The following UBR1 variants were observed in gnomAD, a reference collection of about 807,000 sequenced individuals.
UBR1 encodes the protein ubiquitin protein ligase E3 component n-recognin 1, also known as E3 ubiquitin-protein ligase UBR1.
Under a neutral mutation model 242.1 loss-of-function variants are expected in UBR1, and 102 were observed. The observed-to-expected ratio is 0.42, with a 90% CI of 0.36 to 0.50. The LOEUF (loss-of-function observed/expected upper bound fraction) is 0.50. UBR1 is among the 20% of genes least tolerant of loss of function. The probability of loss-of-function intolerance (pLI) is 0.01; values close to 1 mark genes in which losing one functional copy is unlikely to be tolerated. For missense variants in UBR1, 1,772 were observed against 2,101.8 expected (o/e 0.84, Z 3.07); for synonymous variants, 675 against 684.8 (o/e 0.99, Z 0.22).
intron 31 of UBR1, among the ~76,000 whole-genome samples, chr15:43,003,602 GT>G (rs2032759889): frequency 6.6e-6 from 1 of 152,192 alleles, no homozygotes; most frequent in Admixed American, 6.5e-5. Flanking sequence ...CAACTGATTA[GT>G]TTATGGAGAG....
intron 41 of UBR1, among the ~76,000 whole-genome samples, chr15:42,965,866 T>C (rs2032097419): frequency 6.6e-6 from 1 of 152,250 alleles, no homozygotes; most frequent in Admixed American, 6.5e-5. Flanking sequence ...TTCTAATTTC[T>C]TGTATAGCAT....
chr15:43,060,222 G>C, intron 6 of UBR1, 108 bp from the exon 7 acceptor site: 1 of 1,047,650 alleles, frequency 9.5e-7, no homozygotes, highest in Non-Finnish European at 1.5e-6. Context: ...CTAATCGCGT[G>C]TTGACTAAAA....
chr15:43,105,908 G>A (rs772172046), intron 1 of UBR1, 34 bp downstream of exon 1: 25 of 1,602,102 alleles, frequency 1.6e-5, no homozygotes, highest in East Asian at 2.2e-5. Flanking sequence ...GGGACCGGGG[G>A]GAGGACAAAA....
chr15:43,091,948 C>T (rs1361243733), intron 1 of UBR1: 5 of 388,348 alleles, frequency 1.3e-5, no homozygotes, highest in Non-Finnish European at 2.5e-5. Context: ...TAGCCAGATG[C>T]GGTGGCACAT....
chr15:43,063,306 T>A (rs1251314614), intron 6 of UBR1, among the ~76,000 whole-genome samples: 1 of 152,178 alleles, frequency 6.6e-6, no homozygotes, highest in African/African-American at 2.4e-5. Context: ...TTCCGTTCCA[T>A]ATGAAAACCG....
chr15:43,008,882 T>C (rs949305461), intron 29 of UBR1, among the ~76,000 whole-genome samples: 14 of 152,176 alleles, frequency 9.2e-5, no homozygotes, highest in Non-Finnish European at 1.3e-4. Flanking sequence ...TCCTCTCCAC[T>C]GAGTGCTGGA....
chr15:43,036,072 A>G, intron 19 of UBR1, 106 bp downstream of exon 19: 2 of 1,008,654 alleles, frequency 2.0e-6, no homozygotes, highest in Non-Finnish European at 3.0e-6. Flanking sequence ...TAAAACTTAA[A>G]GTATAATTTT....
At chr15:43,063,461 A>AT (rs1251782710) in intron 6 of UBR1, among the ~76,000 whole-genome samples, 1 of 152,078 alleles carries the variant, frequency 6.6e-6, no homozygotes, top group Non-Finnish European at 1.5e-5. Context: ...ATCTACCAAG[A>AT]TTTTCCCTTA....
intron 10 of UBR1, 112 bp from the exon 11 acceptor site, chr15:43,056,554 A>G (rs2033622150): frequency 1.5e-6 from 1 of 685,856 alleles, no homozygotes; most frequent in Non-Finnish European, 2.5e-6. Flanking sequence ...GTCAAGTAAT[A>G]TAATTCCTAT....
chr15:43,063,206 A>C (rs180859229), intron 6 of UBR1, among the ~76,000 whole-genome samples: 72 of 152,362 alleles, frequency 4.7e-4, no homozygotes, highest in Non-Finnish European at 2.4e-4. Context: ...AGCTGTAGCT[A>C]CAGGCCTTCT....
At chr15:43,011,811 G>T (rs1197500094) in intron 29 of UBR1, 1 of 372,346 alleles carries the variant, frequency 2.7e-6, no homozygotes, top group Non-Finnish European at 5.4e-6. Context: ...CATACAAAAA[G>T]ATTCTCACGA....
intron 33 of UBR1, among the ~76,000 whole-genome samples, chr15:42,993,847 A>G (rs1220569275): frequency 6.6e-6 from 1 of 152,160 alleles, no homozygotes; most frequent in Admixed American, 6.6e-5. Context: ...CAAAAAAAAA[A>G]AAAGGCTGTA....
chr15:43,062,237 C>T (rs1486072285), intron 6 of UBR1, among the ~76,000 whole-genome samples: 1 of 152,076 alleles, frequency 6.6e-6, no homozygotes, highest in Non-Finnish European at 1.5e-5. Context: ...GGAAGCAACC[C>T]AAGCGTCCAC....
chr15:43,069,981 A>G (rs981878504), intron 5 of UBR1, among the ~76,000 whole-genome samples: 5 of 152,168 alleles, frequency 3.3e-5, no homozygotes, highest in African/African-American at 1.2e-4. Context: ...AAAATAGTAC[A>G]TTTAATGTCT....
intron 3 of UBR1, among the ~76,000 whole-genome samples, chr15:43,076,147 GTT>G (rs34147534): frequency 7.7e-6 from 1 of 130,170 alleles, no homozygotes; most frequent in Non-Finnish European, 1.6e-5. Flanking sequence ...ACTGGTTTTC[GTT>G]TTTTTTTTTT....
rs143018235 is a variant in UBR1 at position 43,069,758 on chromosome 15, T to C, written c.659+1037A>G. On this transcript the variant is annotated intron_variant, in intron 5 of 46. Coordinates refer to ENST00000290650, the MANE Select transcript of UBR1 (RefSeq NM_174916.3). The stretch of plus-strand genomic sequence containing the variant: ...GCAATGAGAGGGCCTAGAACTCAGA[T>C]GTGTGAACCCAAAGACCCGTGCTAC... Among the ~76,000 whole-genome samples, 173 of 152,326 alleles carry C rather than the reference T, an allele frequency of 1.1e-3. 1 individual carries two copies. The highest frequency in any genetic ancestry group is 4.1e-3 in the African/African-American group (171 of 41,584).
At chr15:43,010,074 A>G (rs2032896918) in intron 29 of UBR1, among the ~76,000 whole-genome samples, 4 of 152,126 alleles carry the variant, frequency 2.6e-5, no homozygotes, top group Admixed American at 2.6e-4. Flanking sequence ...GAGTTTCACT[A>G]TGTTGGCCAG....
intron 27 of UBR1, among the ~76,000 whole-genome samples, chr15:43,019,969 T>C (rs946026290): frequency 6.6e-6 from 1 of 151,994 alleles, no homozygotes; most frequent in Non-Finnish European, 1.5e-5. Context: ...CTCCCCTGCT[T>C]ATTTAATTCA....
At chr15:42,948,269 C>T (rs1022419067) in intron 46 of UBR1, among the ~76,000 whole-genome samples, 2 of 152,054 alleles carry the variant, frequency 1.3e-5, no homozygotes, top group Admixed American at 1.3e-4. Flanking sequence ...ACACCTTATA[C>T]AAAAATTAAT....
Sources: gnomAD v4.1 joint callset for allele counts (sites outside exome capture counted in the v4.1 genomes callset) on GRCh38, gnomAD v4.1.1 for gene constraint, MANE v1.5 for transcripts, NCBI Gene and HGNC (gene_info 2026-07-23, HGNC 2026-07-21) for gene names.